PSMD1: variants seen among roughly 807,000 people sequenced by gnomAD.
The protein encoded by PSMD1 is 26S proteasome non-ATPase regulatory subunit 1.
A neutral mutation model predicts 119.0 loss-of-function variants in PSMD1; 18 were observed. The observed-to-expected ratio is 0.15, with a 90% CI of 0.10 to 0.22. The LOEUF (loss-of-function observed/expected upper bound fraction) is 0.22. PSMD1 is among the 10% of genes least tolerant of loss of function. PSMD1 has a pLI of 1.00. For missense variants in PSMD1, 702 were observed against 1,158.5 expected (o/e 0.61, Z 5.72); for synonymous variants, 374 against 396.6 (o/e 0.94, Z 0.68).
intron 18 of PSMD1, among the ~76,000 whole-genome samples, chr2:231,151,547 A>AT (rs1696376158): frequency 6.6e-6 from 1 of 152,060 alleles, no homozygotes; most frequent in Non-Finnish European, 1.5e-5. Context: ...AGTTGGACTG[A>AT]TTTTTTTATC....
At chr2:231,078,241 C>T (rs1018795187) in intron 9 of PSMD1, among the ~76,000 whole-genome samples, 8 of 152,174 alleles carry the variant, frequency 5.3e-5, no homozygotes, top group African/African-American at 1.9e-4. Context: ...GCACTCCAGC[C>T]TGGGCAACCA....
intron 16 of PSMD1, among the ~76,000 whole-genome samples, chr2:231,117,556 A>G (rs1232538839): frequency 1.3e-5 from 2 of 152,168 alleles, no homozygotes; most frequent in African/African-American, 4.8e-5. Context: ...CTTATAGACA[A>G]TTGTTTAATT....
intron 23 of PSMD1, among the ~76,000 whole-genome samples, chr2:231,169,587 A>G (rs1696866951): frequency 6.6e-6 from 1 of 152,230 alleles, no homozygotes; most frequent in East Asian, 1.9e-4. Context: ...TCTGATGAGT[A>G]AAAATTGGAT....
chr2:231,151,286 T>C (rs896133945), intron 18 of PSMD1, among the ~76,000 whole-genome samples: 3 of 152,094 alleles, frequency 2.0e-5, no homozygotes, highest in Non-Finnish European at 4.4e-5. Context: ...AACCAATTGT[T>C]TTGCTTGTCT....
chr2:231,143,076 T>TA (rs907944142), intron 17 of PSMD1, among the ~76,000 whole-genome samples: 1 of 152,112 alleles, frequency 6.6e-6, no homozygotes, highest in Non-Finnish European at 1.5e-5. Flanking sequence ...CCCAGATTTA[T>TA]ACCTACCTAA....
chr2:231,108,028 C>G (rs995494057), intron 16 of PSMD1, among the ~76,000 whole-genome samples: 1 of 152,240 alleles, frequency 6.6e-6, no homozygotes, highest in Non-Finnish European at 1.5e-5. Flanking sequence ...CTAAATCAGA[C>G]TATAAATGGC....
intron 4 of PSMD1, among the ~76,000 whole-genome samples, chr2:231,064,402 A>G (rs969687698): frequency 1.8e-4 from 27 of 152,342 alleles, no homozygotes; most frequent in African/African-American, 5.8e-4. Flanking sequence ...CCTGGGATAT[A>G]TTTATGACAT....
At position 231,062,519 on chromosome 2, in the gene PSMD1, G is replaced by A. The variant is rs534841979; in HGVS notation, c.148G>A (p.Glu50Lys). 1.3e-6 allele frequency: 2 copies of A among 1,593,558 alleles called. No individual in the cohort carries two copies. The highest frequency in any genetic ancestry group is 1.1e-5 in the South Asian group (1 of 88,146). ...AATTTCTTTCAGAGAGGTTTTATAC[G>A]AAGATGAAGGTTTCCGGAGTCGGCA... ...ESVDKIEVLY[E>K]DEGFRSRQFA... Residue 50 changes from glutamate (E) to lysine (K), a missense_variant, in exon 4 of 25, where the codon GAA becomes AAA. Glu to Lys is a moderately conservative substitution (Grantham distance 56). Around this residue, in one of 9 missense-constraint regions of PSMD1, gnomAD observed 60 missense variants for 118.2 expected, o/e 0.51. Transcript: ENST00000308696.
intron 14 of PSMD1, among the ~76,000 whole-genome samples, chr2:231,084,755 A>G (rs781727174): frequency 6.6e-6 from 1 of 152,190 alleles, no homozygotes; most frequent in African/African-American, 2.4e-5. Flanking sequence ...GTTGCTGTTG[A>G]CTTGACTTTA....
intron 16 of PSMD1, among the ~76,000 whole-genome samples, chr2:231,126,291 A>T (rs1301529286): frequency 6.6e-6 from 1 of 152,036 alleles, no homozygotes; most frequent in African/African-American, 2.4e-5. Flanking sequence ...AGTCCCAGCT[A>T]CTGGGCGGCG....
At chr2:231,121,105 G>T (rs558570816) in intron 16 of PSMD1, among the ~76,000 whole-genome samples, 1 of 152,140 alleles carries the variant, frequency 6.6e-6, no homozygotes, top group African/African-American at 2.4e-5. Flanking sequence ...TTTAAATAAT[G>T]CAATAATGTA....
chr2:231,083,855 C>A, intron 14 of PSMD1, 92 bp downstream of exon 14: 2 of 1,229,208 alleles, frequency 1.6e-6, no homozygotes, highest in Non-Finnish European at 2.3e-6. Context: ...CCCATCAGAA[C>A]ATGTAGGTAC....
At position 231,057,044 on chromosome 2, in the gene PSMD1, G is replaced by T; in HGVS notation, c.16+3G>T. On this transcript the variant is annotated splice_donor_region_variant and intron_variant, in intron 1 of 24. Transcript: ENST00000308696. ...CGCAGCCATGATCACCTCGGCCGGT[G>T]AGTGCGGCCCGTAGCCAGCGCCTGG... 1.3e-6 allele frequency: 2 copies of T among 1,531,436 alleles called. No homozygotes were observed. The highest frequency in any genetic ancestry group is 2.0e-5 in the Admixed American group (1 of 50,104). The allele number at this position is 1,531,436 out of a possible 1,614,324, so 94.9% of individuals were successfully genotyped here.
At chr2:231,067,664 CT>C (rs908272867) in intron 5 of PSMD1, among the ~76,000 whole-genome samples, 10 of 149,050 alleles carry the variant, frequency 6.7e-5, no homozygotes, top group South Asian at 2.1e-4. Context: ...TTTTTTCTTT[CT>C]TTTTTTTTTG....
At chr2:231,103,152 T>C (rs1363304892) in intron 16 of PSMD1, among the ~76,000 whole-genome samples, 2 of 152,218 alleles carry the variant, frequency 1.3e-5, no homozygotes, top group Non-Finnish European at 2.9e-5. Context: ...AACTGTAAAA[T>C]ATTTTTTTCC....
chr2:231,067,081 G>A lies in PSMD1; in HGVS notation c.480G>A (p.Leu160=), dbSNP rs1559217248. ...GCATTGCTCTGGAGACACGAAGACTGGACGTCTTTGAAAAGACCATACTGG... is the reference window on the plus strand; with the variant it reads ...GCATTGCTCTGGAGACACGAAGACTAGACGTCTTTGAAAAGACCATACTGG... The part of the protein sequence containing the change: ...AIGIALETRR[L]DVFEKTILES... Residue 160 remains leucine (L), a synonymous_variant, in exon 5 of 25, where the codon CTG becomes CTA. Coordinates refer to ENST00000308696, the MANE Select transcript of PSMD1 (RefSeq NM_002807.4). 1 of 1,608,226 alleles carries A rather than the reference G, an allele frequency of 6.2e-7. No individual in the cohort carries two copies.
At chr2:231,163,301 A>C (rs1696683452) in intron 20 of PSMD1, 1 of 207,326 alleles carries the variant, frequency 4.8e-6, no homozygotes, top group Admixed American at 5.3e-5. Context: ...TGTATGCAGG[A>C]TAGACCATCA....
intron 8 of PSMD1, 140 bp downstream of exon 8, chr2:231,075,711 A>C: frequency 1.5e-6 from 1 of 676,626 alleles, no homozygotes; most frequent in Non-Finnish European, 2.4e-6. Context: ...TCCCAAGTAA[A>C]TGGCTGGGAT....
At chr2:231,058,732 T>C (rs778006180) in intron 1 of PSMD1, among the ~76,000 whole-genome samples, 3 of 152,064 alleles carry the variant, frequency 2.0e-5, no homozygotes, top group Non-Finnish European at 4.4e-5. Flanking sequence ...CTAATCACAC[T>C]GGACTTTTTG....
Sources: gnomAD v4.1 joint callset for allele counts (sites outside exome capture counted in the v4.1 genomes callset) on GRCh38, gnomAD v4.1.1 for gene constraint, gnomAD v4.1.1 regional missense constraint, MANE v1.5 for transcripts, NCBI Gene and HGNC (gene_info 2026-07-23, HGNC 2026-07-21) for gene names.